Variants in PCDHA12 observed in about 807,000 individuals in gnomAD.
The protein encoded by PCDHA12 is protocadherin alpha 12, also known as protocadherin alpha-12.
A neutral mutation model predicts 60.0 loss-of-function variants in PCDHA12; 44 were observed. That is an observed-to-expected ratio of 0.73 (90% CI 0.58 to 0.94). PCDHA12 has a LOEUF of 0.94. Ranked by LOEUF, PCDHA12 falls within the 40% of genes least tolerant of loss-of-function variation. The pLI, the probability that PCDHA12 is intolerant of heterozygous loss-of-function variation, is 0.00. For missense variants in PCDHA12, 1,276 were observed against 1,239.7 expected, an observed-to-expected ratio of 1.03 and a Z score of -0.44; for synonymous variants, 569 against 553.0, an observed-to-expected ratio of 1.03 and a Z score of -0.40.
chr5:140,941,467 C>G (rs1290341607), intron 1 of PCDHA12, among the ~76,000 whole-genome samples: 4 of 151,456 alleles, frequency 2.6e-5, no homozygotes, highest in Non-Finnish European at 5.9e-5. Context: ...AGGCGCCCAC[C>G]ACCACGCCTG....
At chr5:140,959,585 C>A (rs1363843588) in intron 1 of PCDHA12, among the ~76,000 whole-genome samples, 1 of 152,004 alleles carries the variant, frequency 6.6e-6, no homozygotes, top group Non-Finnish European at 1.5e-5. Context: ...TCAATTCTAT[C>A]AGCCAAGTAT....
intron 2 of PCDHA12, among the ~76,000 whole-genome samples, chr5:140,981,648 C>T (rs1294806137): frequency 6.6e-6 from 1 of 152,020 alleles, no homozygotes; most frequent in Non-Finnish European, 1.5e-5. Context: ...TCTTAGGATC[C>T]CACTTATTTC....
At chr5:140,932,946 G>A (rs1554209125) in intron 1 of PCDHA12, among the ~76,000 whole-genome samples, 1 of 151,982 alleles carries the variant, frequency 6.6e-6, no homozygotes, top group East Asian at 1.9e-4. Flanking sequence ...TGGAATGAAG[G>A]TGGACTAAAT....
chr5:140,883,695 C>T, intron 1 of PCDHA12: 2 of 1,613,804 alleles, frequency 1.2e-6, no homozygotes, highest in Non-Finnish European at 1.7e-6. Context: ...CACATCTTCA[C>T]GGTGTCTGCT....
chr5:140,912,794 C>T (rs1554195532), intron 1 of PCDHA12, among the ~76,000 whole-genome samples: 1 of 151,998 alleles, frequency 6.6e-6, no homozygotes, highest in South Asian at 2.1e-4. Context: ...TGCCAATTTT[C>T]TTGAGGGTTT....
chr5:140,941,199 C>CTCCCT (rs2092799099), intron 1 of PCDHA12, among the ~76,000 whole-genome samples: 1 of 115,882 alleles, frequency 8.6e-6, no homozygotes, highest in South Asian at 2.6e-4. Flanking sequence ...TTTTTTCTTT[C>CTCCCT]TTCCTTTCTT....
At chr5:140,958,375 T>A (rs1554223446) in intron 1 of PCDHA12, among the ~76,000 whole-genome samples, 1 of 152,162 alleles carries the variant, frequency 6.6e-6, no homozygotes, top group Non-Finnish European at 1.5e-5. Flanking sequence ...AATGTTGCTA[T>A]TTTCTTAACA....
chr5:140,969,554 T>C (rs2096342030), intron 1 of PCDHA12: 12 of 1,222,074 alleles, frequency 9.8e-6, no homozygotes, highest in Non-Finnish European at 1.3e-5. Context: ...TGAAGCCTTG[T>C]CCATAAAATT....
rs114294981 is a variant in PCDHA12, at chr5:140,997,261, C to T, written c.2516-12366C>T. On this transcript the variant is annotated intron_variant, in intron 3 of 3. Transcript: ENST00000398631. ...CATGTTTACTTTAGGGTTCACTCTT[C>T]CAAATATTTCTTGCATCACTTAACA... Among the ~76,000 whole-genome samples, 265 of 152,266 alleles carry T rather than the reference C, an allele frequency of 1.7e-3. 1 individual carries two copies. The highest frequency in any genetic ancestry group is 6.2e-3 in the African/African-American group (257 of 41,540).
At chr5:140,944,197 T>C (rs1404957342) in intron 1 of PCDHA12, among the ~76,000 whole-genome samples, 2 of 152,120 alleles carry the variant, frequency 1.3e-5, no homozygotes, top group Non-Finnish European at 2.9e-5. Context: ...TTTTGTTTTG[T>C]TTTGTTTTTA....
At chr5:140,944,870 A>T (rs2093703572) in intron 1 of PCDHA12, among the ~76,000 whole-genome samples, 1 of 152,058 alleles carries the variant, frequency 6.6e-6, no homozygotes, top group Non-Finnish European at 1.5e-5. Flanking sequence ...TATCTTAACC[A>T]CCTACTCCAC....
intron 1 of PCDHA12, among the ~76,000 whole-genome samples, chr5:140,944,351 C>A (rs530648518): frequency 6.6e-6 from 1 of 152,198 alleles, no homozygotes; most frequent in South Asian, 2.1e-4. Context: ...CCACACCTGG[C>A]TAATTTTTAA....
chr5:140,958,900 C>T (rs246008), intron 1 of PCDHA12, among the ~76,000 whole-genome samples: 85,461 of 151,702 alleles, frequency 0.56, 24,676 homozygotes, highest in African/African-American at 0.69. Flanking sequence ...ATAATAGATA[C>T]AGAAAAGTCT....
intron 1 of PCDHA12, among the ~76,000 whole-genome samples, chr5:140,903,429 G>A (rs782504374): frequency 1.3e-5 from 2 of 152,180 alleles, no homozygotes; most frequent in Non-Finnish European, 2.9e-5. Context: ...AGCACAATAT[G>A]TATCAGTGGA....
intron 1 of PCDHA12, chr5:140,966,755 C>T (rs1554228616): frequency 7.0e-7 from 1 of 1,434,520 alleles, no homozygotes; most frequent in Admixed American, 2.7e-5. Context: ...GCCTCCGCCG[C>T]GGCCAGTGGC....
At chr5:140,968,639 G>T (rs1278507600) in intron 1 of PCDHA12, 1 of 1,614,150 alleles carries the variant, frequency 6.2e-7, no homozygotes, top group Non-Finnish European at 8.5e-7. Context: ...TTACCATCTA[G>T]CCCAGACTTC....
chr5:140,954,824 C>T (rs1167171102), intron 1 of PCDHA12, among the ~76,000 whole-genome samples: 2 of 152,068 alleles, frequency 1.3e-5, no homozygotes, highest in Non-Finnish European at 2.9e-5. Flanking sequence ...GCTTTAGGCA[C>T]TTTTGTCATG....
rs1209791227 is a variant in PCDHA12, at chr5:140,923,921, C to A, written c.2367+46082C>A. Among the ~76,000 whole-genome samples, 3 of 152,180 alleles carry A rather than the reference C, an allele frequency of 2.0e-5. No individual in the cohort carries two copies. The East Asian group carries it at 5.8e-4, about 29-fold the overall frequency. On this transcript the variant is annotated intron_variant, in intron 1 of 3. Transcript: ENST00000398631. ...TTCTGTGAAGATTTCCCATACTGTT[C>A]TCTGTATGCATTTTTCCTTTTTTCC...
Position 140,875,770 on chromosome 5 carries a change from G to A in PCDHA12, c.298G>A (p.Ala100Thr). Residue 100 changes from alanine (A) to threonine (T), a missense_variant, in exon 1 of 4, where the codon GCG becomes ACG. Transcript: ENST00000398631. ...IDREKLCGRS[A>T]ECSIHLEVIV... ...CCGCGAGAAGCTGTGCGGGCGGAGC[G>A]CGGAGTGCAGTATCCACCTGGAGGT... 2 of 1,614,230 alleles carry A rather than the reference G, an allele frequency of 1.2e-6. No homozygotes were observed. The highest frequency in any genetic ancestry group is 2.2e-5 in the East Asian group (1 of 44,880).
Sources: gnomAD v4.1 joint callset for allele counts (sites outside exome capture counted in the v4.1 genomes callset) on GRCh38, gnomAD v4.1.1 for gene constraint, MANE v1.5 for transcripts, NCBI Gene and HGNC (gene_info 2026-07-23, HGNC 2026-07-21) for gene names.